Variants in CNTNAP2 observed in about 807,000 individuals in gnomAD.
The protein encoded by CNTNAP2 is contactin associated protein 2.
Under a neutral mutation model 155.2 loss-of-function variants are expected in CNTNAP2, and 98 were observed. That is an observed-to-expected ratio of 0.63 (90% confidence interval 0.54 to 0.75). CNTNAP2 has a LOEUF of 0.75. CNTNAP2 is among the 30% of genes least tolerant of loss of function. CNTNAP2 has a pLI of 0.00. For missense variants in CNTNAP2, 1,727 were observed against 1,688.1 expected, an observed-to-expected ratio of 1.02 and a Z score of -0.40; for synonymous variants, 651 against 631.2, an observed-to-expected ratio of 1.03 and a Z score of -0.47.
At chr7:148,033,736 A>G (rs1802523897) in intron 15 of CNTNAP2, among the ~76,000 whole-genome samples, 1 of 152,202 alleles carries the variant, frequency 6.6e-6, no homozygotes, top group African/African-American at 2.4e-5. Context: ...ATTATGTTAG[A>G]TTGCATTTTT....
chr7:148,059,955 G>A (rs1803101426), intron 15 of CNTNAP2, among the ~76,000 whole-genome samples: 1 of 152,002 alleles, frequency 6.6e-6, no homozygotes, highest in Non-Finnish European at 1.5e-5. Context: ...AATAACATGA[G>A]TATTGTCAGC....
At chr7:147,650,542 A>G (rs1162533797) in intron 13 of CNTNAP2, among the ~76,000 whole-genome samples, 3 of 152,196 alleles carry the variant, frequency 2.0e-5, no homozygotes, top group Non-Finnish European at 4.4e-5. Context: ...ATGCTTCATG[A>G]TTAGTAAACG....
chr7:146,274,472 C>T lies in CNTNAP2; in HGVS notation c.97+157499C>T, dbSNP rs370668836. On this transcript the variant is annotated intron_variant, in intron 1 of 23. Coordinates refer to ENST00000361727, the MANE Select transcript of CNTNAP2 (RefSeq NM_014141.6). ...CTATAGTAACACAAACATAAAGAGA[C>T]CAGATGAGACGGCATAGCTACCCCG... 4.1e-4 allele frequency among the ~76,000 whole-genome samples: 62 copies of T among 152,254 alleles called. No homozygotes were observed. In the South Asian group the frequency reaches 0.012, roughly 30 times the overall value.
intron 1 of CNTNAP2, among the ~76,000 whole-genome samples, chr7:146,500,742 AACC>A (rs1207137616): frequency 6.6e-6 from 1 of 152,304 alleles, no homozygotes; most frequent in South Asian, 2.1e-4. Flanking sequence ...ATCTGGCCAG[AACC>A]ACCAATACAG....
chr7:147,485,996 T>G lies in CNTNAP2; in HGVS notation c.1732T>G (p.Cys578Gly). The G allele has an allele frequency of 6.2e-7, 1 of 1,614,138 alleles. No individual in the cohort carries two copies. The highest frequency in any genetic ancestry group is 8.5e-7 in the Non-Finnish European group (1 of 1,179,990). ...CTCGCAAACATGGGACAGCTTCAAA[T>G]GCACTTGTGATGAGACAGGATACAG... ...KCSQTWDSFK[C>G]TCDETGYSGA... The change falls in exon 11 of 24, where the codon TGC becomes GGC. Residue 578 changes from cysteine (C) to glycine (G), a missense_variant. By Grantham distance (159) the Cys-to-Gly change is radical (BLOSUM62 -3). Transcript: ENST00000361727.
chr7:146,929,723 C>T lies in CNTNAP2; in HGVS notation c.402+89819C>T, dbSNP rs187256788. Among the ~76,000 whole-genome samples, 110 of 152,198 alleles carry T rather than the reference C, an allele frequency of 7.2e-4. 1 individual carries two copies. The highest frequency in any genetic ancestry group is 2.6e-4 in the Non-Finnish European group (18 of 68,008). On this transcript the variant is annotated intron_variant, in intron 3 of 23. Coordinates refer to ENST00000361727, the MANE Select transcript of CNTNAP2 (RefSeq NM_014141.6). ...TTAGACAAAAGTATAACTAGAATAA[C>T]CAATACAGAGAAGTGCTTAAAGGAG...
intron 18 of CNTNAP2, among the ~76,000 whole-genome samples, chr7:148,200,126 C>T (rs1795344284): frequency 6.6e-6 from 1 of 152,184 alleles, no homozygotes; most frequent in African/African-American, 2.4e-5. Context: ...ATGCTAATCT[C>T]CTCCAGGAAT....
intron 2 of CNTNAP2, among the ~76,000 whole-genome samples, chr7:146,804,182 C>T (rs918198664): frequency 1.3e-5 from 2 of 152,050 alleles, no homozygotes; most frequent in Non-Finnish European, 2.9e-5. Context: ...AAGATGCTCC[C>T]CTCCTCTGTA....
intron 13 of CNTNAP2, among the ~76,000 whole-genome samples, chr7:147,727,638 T>G (rs1796665908): frequency 6.6e-6 from 1 of 151,906 alleles, no homozygotes; most frequent in Non-Finnish European, 1.5e-5. Flanking sequence ...TTATGACACT[T>G]ATTTTACAGG....
intron 10 of CNTNAP2, among the ~76,000 whole-genome samples, chr7:147,437,207 A>G (rs1797564205): frequency 6.6e-6 from 1 of 152,132 alleles, no homozygotes; most frequent in Non-Finnish European, 1.5e-5. Context: ...TACATTTATG[A>G]TAATGAGGTG....
At chr7:147,325,853 A>G (rs1795444796) in intron 9 of CNTNAP2, among the ~76,000 whole-genome samples, 1 of 152,202 alleles carries the variant, frequency 6.6e-6, no homozygotes, top group African/African-American at 2.4e-5. Context: ...ATCACAAATG[A>G]AAACTGCTCA....
At chr7:148,111,328 A>T (rs958198572) in intron 15 of CNTNAP2, among the ~76,000 whole-genome samples, 2 of 152,200 alleles carry the variant, frequency 1.3e-5, no homozygotes, top group Admixed American at 6.5e-5. Flanking sequence ...TCTCAGAGAG[A>T]CAAGAGAAGA....
rs578050043 is a variant in CNTNAP2 at position 146,945,329 on chromosome 7, T to C, written c.403-98578T>C. Among the ~76,000 whole-genome samples, 6 of 152,354 alleles carry C rather than the reference T, an allele frequency of 3.9e-5. No homozygotes were observed. In the East Asian group the frequency reaches 1.2e-3, roughly 29 times the overall value. On this transcript the variant is annotated intron_variant, in intron 3 of 23. Transcript: ENST00000361727. Reference sequence around the variant, plus strand: ...AATAGAAATAACTGGTGTTTCAGCTTGATTTTTGTAACAGATTCTGAGGCA... The same window carrying C: ...AATAGAAATAACTGGTGTTTCAGCTCGATTTTTGTAACAGATTCTGAGGCA...
At chr7:147,623,606 A>G (rs1384354571) in intron 12 of CNTNAP2, among the ~76,000 whole-genome samples, 1 of 152,064 alleles carries the variant, frequency 6.6e-6, no homozygotes, top group Non-Finnish European at 1.5e-5. Flanking sequence ...TGAGGAGAAC[A>G]CCAATAAGAT....
intron 11 of CNTNAP2, among the ~76,000 whole-genome samples, chr7:147,512,041 A>T (rs1377421165): frequency 6.6e-6 from 1 of 152,234 alleles, no homozygotes; most frequent in Non-Finnish European, 1.5e-5. Flanking sequence ...ACCTTGGAAG[A>T]GTCTTAGTAA....
intron 9 of CNTNAP2, among the ~76,000 whole-genome samples, chr7:147,322,122 G>T: frequency 6.6e-6 from 1 of 152,090 alleles, no homozygotes; most frequent in African/African-American, 2.4e-5. Context: ...CTAGATAGGA[G>T]GAAAAAAGCA....
intron 1 of CNTNAP2, among the ~76,000 whole-genome samples, chr7:146,492,179 T>C (rs1475888866): frequency 2.1e-5 from 3 of 145,138 alleles, no homozygotes; most frequent in Non-Finnish European, 4.5e-5. Flanking sequence ...ATGGAAATGT[T>C]TGCTAAGACC....
chr7:146,317,726 CAGAA>C (rs1324124186), intron 1 of CNTNAP2, among the ~76,000 whole-genome samples: 1 of 152,166 alleles, frequency 6.6e-6, no homozygotes, highest in East Asian at 1.9e-4. Flanking sequence ...GTCATATTGG[CAGAA>C]AGAATACGCA....
intron 3 of CNTNAP2, among the ~76,000 whole-genome samples, chr7:146,842,591 C>A (rs923796462): frequency 6.6e-6 from 1 of 152,028 alleles, no homozygotes; most frequent in African/African-American, 2.4e-5. Flanking sequence ...GCTTTGGAGG[C>A]CTCAAGAAAC....
Sources: allele counts gnomAD v4.1 joint callset (sites outside exome capture counted in the v4.1 genomes callset), GRCh38; gene constraint gnomAD v4.1.1; transcripts MANE v1.5; gene names NCBI Gene and HGNC (gene_info 2026-07-23, HGNC 2026-07-21).